Variants in DLG2 observed in about 807,000 individuals in gnomAD.
The protein encoded by DLG2 is disks large homolog 2.
Under a neutral mutation model 132.5 loss-of-function variants are expected in DLG2, and 45 were observed. The ratio of observed to expected loss-of-function variants is 0.34; its 90% CI spans 0.27 to 0.44. The LOEUF (loss-of-function observed/expected upper bound fraction) is 0.44. DLG2 is among the 20% of genes least tolerant of loss of function. DLG2 has a pLI of 1.00. For missense variants in DLG2, 1,045 were observed against 1,196.9 expected (o/e 0.87, Z 1.87); for synonymous variants, 424 against 419.6 (o/e 1.01, Z -0.13).
intron 11 of DLG2, among the ~76,000 whole-genome samples, chr11:84,057,672 A>T (rs1423242740): frequency 6.6e-6 from 1 of 152,214 alleles, no homozygotes; most frequent in East Asian, 1.9e-4. Flanking sequence ...AAATAATAGT[A>T]CAGATAACAT....
chr11:84,138,530 G>A (rs192963115), intron 9 of DLG2, among the ~76,000 whole-genome samples: 1 of 152,276 alleles, frequency 6.6e-6, no homozygotes, highest in African/African-American at 2.4e-5. Context: ...TGAAGAGAAG[G>A]GGATTAACTA....
chr11:85,496,538 C>G (rs1008686667), intron 3 of DLG2, among the ~76,000 whole-genome samples: 2 of 152,176 alleles, frequency 1.3e-5, no homozygotes, highest in Non-Finnish European at 1.5e-5. Flanking sequence ...ACTTAAACGT[C>G]CCTGCTGGAC....
intron 6 of DLG2, among the ~76,000 whole-genome samples, chr11:84,927,917 C>G (rs1323082029): frequency 1.3e-5 from 2 of 151,828 alleles, no homozygotes; most frequent in Non-Finnish European, 2.9e-5. Flanking sequence ...ATCAAAAACA[C>G]TAGGTATGTG....
chr11:84,574,894 T>A (rs937926461), intron 6 of DLG2, among the ~76,000 whole-genome samples: 1 of 152,156 alleles, frequency 6.6e-6, no homozygotes, highest in East Asian at 1.9e-4. Context: ...TTTCTGCCAT[T>A]AACCAGCATC....
intron 3 of DLG2, among the ~76,000 whole-genome samples, chr11:85,403,927 A>G (rs1256084795): frequency 6.6e-6 from 1 of 152,050 alleles, no homozygotes; most frequent in Admixed American, 6.6e-5. Flanking sequence ...CTAATGTAGA[A>G]GGGACAAGAT....
At position 84,433,921 on chromosome 11, in the gene DLG2, A is replaced by G. The variant is rs141270451; in HGVS notation, c.519+100649T>C. Reference sequence around the variant, plus strand: ...CACTTGAGCTCAGGAGTTCGAGACCACTTTGGGGAACATGGGGAAACCTCA... The same window carrying G: ...CACTTGAGCTCAGGAGTTCGAGACCGCTTTGGGGAACATGGGGAAACCTCA... On this transcript the variant is annotated intron_variant, in intron 7 of 27. Coordinates refer to ENST00000376104, the MANE Select transcript of DLG2 (RefSeq NM_001142699.3). 2.5e-3 allele frequency among the ~76,000 whole-genome samples: 379 copies of G among 152,186 alleles called. 1 individual carries two copies. Among genetic ancestry groups the G allele is most frequent in the Non-Finnish European group, 4.3e-3 (293 of 68,000 alleles).
At chr11:85,583,128 GTGTATATATATA>G (rs1418636339) in intron 3 of DLG2, among the ~76,000 whole-genome samples, 138 of 27,406 alleles carry the variant, frequency 5.0e-3, no homozygotes, top group Admixed American at 0.028. Context: ...GTGTGTGTGT[GTGTATATATATA>G]TATATATATA....
rs556998869 is a variant in DLG2 at position 83,963,987 on chromosome 11, T to C, written c.1202-964A>G. 5.3e-5 allele frequency among the ~76,000 whole-genome samples: 8 copies of C among 152,154 alleles called. 1 individual carries two copies. The highest frequency in any genetic ancestry group is 1.4e-4 in the African/African-American group (6 of 41,560). On this transcript the variant is annotated intron_variant, in intron 13 of 27. Coordinates refer to ENST00000376104, the MANE Select transcript of DLG2 (RefSeq NM_001142699.3). ...TTATATTCACCTCTCCCATGGCATA[T>C]GCATACCTCTTATTCTGCCAAATAT...
intron 3 of DLG2, among the ~76,000 whole-genome samples, chr11:85,504,214 T>A (rs1436513286): frequency 6.6e-6 from 1 of 152,130 alleles, no homozygotes; most frequent in African/African-American, 2.4e-5. Flanking sequence ...CTCTTTAGTT[T>A]AATTAGATCC....
intron 6 of DLG2, among the ~76,000 whole-genome samples, chr11:84,733,988 T>G (rs183950472): frequency 6.6e-6 from 1 of 152,176 alleles, no homozygotes; most frequent in Non-Finnish European, 1.5e-5. Context: ...TTCTGTTCCA[T>G]TGGCCTATAT....
At chr11:85,426,011 G>A (rs2090695805) in intron 3 of DLG2, among the ~76,000 whole-genome samples, 1 of 152,192 alleles carries the variant, frequency 6.6e-6, no homozygotes, top group Non-Finnish European at 1.5e-5. Flanking sequence ...GATTCGGAGG[G>A]TCCTACCCCC....
intron 3 of DLG2, among the ~76,000 whole-genome samples, chr11:85,403,498 T>G (rs866909569): frequency 6.6e-6 from 1 of 151,246 alleles, no homozygotes; most frequent in Non-Finnish European, 1.5e-5. Context: ...ATAAAAAAAA[T>G]TAAATTTAAA....
intron 10 of DLG2, among the ~76,000 whole-genome samples, chr11:84,081,505 C>T (rs1309278285): frequency 2.0e-5 from 3 of 151,688 alleles, no homozygotes; most frequent in Admixed American, 6.6e-5. Flanking sequence ...ATGTAAGTAA[C>T]AACAAATCCC....
At chr11:85,378,145 T>C (rs929666792) in intron 3 of DLG2, among the ~76,000 whole-genome samples, 3 of 152,102 alleles carry the variant, frequency 2.0e-5, no homozygotes, top group African/African-American at 4.8e-5. Flanking sequence ...AATATTGTCT[T>C]TTTTCTCTTC....
At chr11:85,506,717 T>C (rs910381386) in intron 3 of DLG2, among the ~76,000 whole-genome samples, 10 of 152,200 alleles carry the variant, frequency 6.6e-5, no homozygotes, top group African/African-American at 2.4e-4. Context: ...GAGAGTTCTG[T>C]AGATGTCTAT....
intron 7 of DLG2, among the ~76,000 whole-genome samples, chr11:84,402,654 G>C (rs1232381284): frequency 1.3e-5 from 2 of 151,982 alleles, no homozygotes; most frequent in Non-Finnish European, 2.9e-5. Flanking sequence ...AGGCCGAGGC[G>C]GGCGGACCAC....
chr11:84,863,682 C>G (rs1007758945), intron 6 of DLG2, among the ~76,000 whole-genome samples: 3 of 151,990 alleles, frequency 2.0e-5, no homozygotes, highest in Non-Finnish European at 4.4e-5. Flanking sequence ...GGAGCTTAGA[C>G]TCTGATGAAG....
intron 6 of DLG2, among the ~76,000 whole-genome samples, chr11:85,013,062 T>C (rs769165440): frequency 2.0e-5 from 3 of 152,182 alleles, no homozygotes; most frequent in Non-Finnish European, 4.4e-5. Context: ...CCTTCAGAGA[T>C]AGTATTTAAT....
At chr11:84,063,027 C>T (rs1370982515) in intron 10 of DLG2, among the ~76,000 whole-genome samples, 1 of 152,074 alleles carries the variant, frequency 6.6e-6, no homozygotes, top group Admixed American at 6.6e-5. Flanking sequence ...CAAATGCAGG[C>T]TTTATCATAT....
Sources: allele counts gnomAD v4.1 joint callset (sites outside exome capture counted in the v4.1 genomes callset), GRCh38; gene constraint gnomAD v4.1.1; transcripts MANE v1.5; gene names NCBI Gene and HGNC (gene_info 2026-07-23, HGNC 2026-07-21).